The following ASB7 variants were observed in gnomAD, a reference collection of about 807,000 sequenced individuals.
The protein encoded by ASB7 is ankyrin repeat and SOCS box containing 7, also known as ankyrin repeat and SOCS box protein 7.
ASB7 carries 4 observed loss-of-function variants against 32.5 expected under a neutral mutation model. The observed-to-expected ratio is 0.12, with a 90% confidence interval of 0.06 to 0.28. The LOEUF (loss-of-function observed/expected upper bound fraction) is 0.28, where lower values mean the gene tolerates loss of function less well. ASB7 is among the 10% of genes least tolerant of loss of function. The probability of loss-of-function intolerance (pLI) is 1.00; values close to 1 mark genes in which losing one functional copy is unlikely to be tolerated. For synonymous variants in ASB7, 172 were observed against 155.6 expected (o/e 1.11, Z -0.78); for missense variants, 181 against 407.1 (o/e 0.44, Z 4.78).
chr15:100,625,289 CTG>C (rs1441883431), intron 4 of ASB7, among the ~76,000 whole-genome samples: 1 of 152,138 alleles, frequency 6.6e-6, no homozygotes, highest in Admixed American at 6.6e-5. Context: ...AGAAGTCAAA[CTG>C]TATTTGCAGA....
At chr15:100,627,659 A>G (rs2039851201) in intron 4 of ASB7, among the ~76,000 whole-genome samples, 2 of 152,222 alleles carry the variant, frequency 1.3e-5, no homozygotes, top group Admixed American at 1.3e-4. Context: ...GTTTTGTAAC[A>G]TAATTTTAAT....
Position 100,603,003 on chromosome 15 carries a change from G to A in ASB7, c.-316G>A. 2.5e-6 allele frequency: 1 copy of A among 399,526 alleles called. No homozygotes were observed. Among genetic ancestry groups the A allele is most frequent in the Non-Finnish European group, 4.4e-6 (1 of 226,762 alleles). The allele number at this position is 399,526 out of a possible 1,614,324, so 24.7% of individuals were successfully genotyped here. A position where few individuals can be genotyped will look rare whatever the true frequency, so the allele number is the denominator to read the frequency against. On this transcript the variant is annotated 5_prime_UTR_variant, in exon 1 of 6. Coordinates refer to ENST00000332783, the MANE Select transcript of ASB7 (RefSeq NM_198243.3). ...TTCAATGGAGAAGTTGGTGAGTGTA[G>A]AGGAGGCTGAAAGGAGGAAGAGAAG...
intron 5 of ASB7, among the ~76,000 whole-genome samples, chr15:100,631,892 G>A (rs543390156): frequency 2.5e-4 from 38 of 152,332 alleles, no homozygotes; most frequent in Middle Eastern, 3.4e-3. Flanking sequence ...TAACAGCGAG[G>A]ACTGGCTTGC....
At chr15:100,642,649 TG>T (rs2039969170) in intron 5 of ASB7, among the ~76,000 whole-genome samples, 1 of 152,232 alleles carries the variant, frequency 6.6e-6, no homozygotes, top group Admixed American at 6.5e-5. Flanking sequence ...AGAACTTTAG[TG>T]GCTTAAAACA....
chr15:100,637,540 A>C (rs1209946281), intron 5 of ASB7, among the ~76,000 whole-genome samples: 1 of 152,242 alleles, frequency 6.6e-6, no homozygotes, highest in Non-Finnish European at 1.5e-5. Context: ...CCAAATGACT[A>C]ATGCGTAATG....
At chr15:100,625,797 AGTGTGGGATTG>A (rs1186042132) in intron 4 of ASB7, among the ~76,000 whole-genome samples, 2 of 151,922 alleles carry the variant, frequency 1.3e-5, no homozygotes, top group Non-Finnish European at 2.9e-5. Flanking sequence ...TAGTCAAGAC[AGTGTGGGATTG>A]GTGTATGGAG....
intron 5 of ASB7, chr15:100,645,950 A>G (rs1241114119): frequency 5.3e-6 from 3 of 565,244 alleles, no homozygotes; most frequent in Non-Finnish European, 1.0e-5. Context: ...GTTAGTCCCA[A>G]CTGCTCTGTT....
chr15:100,645,429 C>A, intron 5 of ASB7: 1 of 338,264 alleles, frequency 3.0e-6, no homozygotes, highest in Non-Finnish European at 5.6e-6. Context: ...AGTTCATGCC[C>A]CCCGGAATAT....
intron 4 of ASB7, among the ~76,000 whole-genome samples, chr15:100,613,723 C>G (rs1186853102): frequency 6.6e-6 from 1 of 152,158 alleles, no homozygotes; most frequent in East Asian, 1.9e-4. Flanking sequence ...TCCACCTAGT[C>G]CTGTTGCTTT....
chr15:100,607,514 G>A (rs1301984485), intron 2 of ASB7, among the ~76,000 whole-genome samples: 2 of 152,232 alleles, frequency 1.3e-5, no homozygotes, highest in Non-Finnish European at 2.9e-5. Context: ...GATCATGTGT[G>A]CATGACGTGT....
At chr15:100,611,554 A>T (rs893514000) in intron 3 of ASB7, among the ~76,000 whole-genome samples, 1 of 129,480 alleles carries the variant, frequency 7.7e-6, no homozygotes, top group African/African-American at 2.9e-5. Context: ...ATCTCAGCTC[A>T]ATGAAACCTC....
chr15:100,606,930 G>A (rs1324534706), intron 2 of ASB7, among the ~76,000 whole-genome samples: 5 of 151,992 alleles, frequency 3.3e-5, no homozygotes, highest in Admixed American at 6.6e-5. Flanking sequence ...CGAGGCGGGC[G>A]GATCACAAGG....
In ASB7 at chr15:100,623,705, A is replaced by G. The variant is rs79251221; in HGVS notation, c.212-5732A>G. ...CAAATAAACTAAAAATAGAAATACTATGTAATCCAGCAGTCAAAGAAAACT... is the reference window on the plus strand; with the variant it reads ...CAAATAAACTAAAAATAGAAATACTGTGTAATCCAGCAGTCAAAGAAAACT... On this transcript the variant is annotated intron_variant, in intron 4 of 5. Coordinates refer to ENST00000332783, the MANE Select transcript of ASB7 (RefSeq NM_198243.3). 5.6e-3 allele frequency among the ~76,000 whole-genome samples: 851 copies of G among 152,344 alleles called. 11 individuals carry two copies. Among genetic ancestry groups the G allele is most frequent in the African/African-American group, 0.02 (813 of 41,582 alleles).
chr15:100,648,578 G>GTA lies in ASB7; in HGVS notation c.*119_*120dup. The GTA allele has an allele frequency of 3.3e-6, 3 of 913,518 alleles. No homozygotes were observed. The highest frequency in any genetic ancestry group is 2.6e-5 in the South Asian group (1 of 38,654). The allele number at this position is 913,518 out of a possible 1,614,324, so 56.6% of individuals were successfully genotyped here. A position where few individuals can be genotyped will look rare whatever the true frequency, so the allele number is the denominator to read the frequency against. On this transcript the variant is annotated 3_prime_UTR_variant, in exon 6 of 6. Transcript: ENST00000332783. ...GATTTGCTGTGAAATCAGAAAGCAG[G>GTA]TATACACTTTTGGGTTTTCTGTTTG...
In ASB7 at chr15:100,632,111, G is replaced by C. The variant is rs536814423; in HGVS notation, c.817+2069G>C. ...TGCTGTTGGACAGCAGGAATGTTGA[G>C]TTAAAGACTCACATGCACTTTAAAA... On this transcript the variant is annotated intron_variant, in intron 5 of 5. Coordinates refer to ENST00000332783, the MANE Select transcript of ASB7 (RefSeq NM_198243.3). Among the ~76,000 whole-genome samples the C allele has an allele frequency of 2.8e-4, 43 of 152,368 alleles. No individual in the cohort carries two copies. In the South Asian group the frequency reaches 7.9e-3, roughly 28 times the overall value.
In ASB7 at chr15:100,629,155, A is replaced by G. The variant is rs1209182827; in HGVS notation, c.212-282A>G. Among the ~76,000 whole-genome samples the G allele has an allele frequency of 6.6e-6, 1 of 152,204 alleles. No individual in the cohort carries two copies. Among genetic ancestry groups the G allele is most frequent in the Non-Finnish European group, 1.5e-5 (1 of 68,038 alleles). ...GAGGCAGTTGGTTAAATTAGCAAAG[A>G]CAGGGGATGTGGTGATCTGTACTCC... is the stretch of plus-strand genomic sequence containing the variant. On this transcript the variant is annotated intron_variant, in intron 4 of 5. Coordinates refer to ENST00000332783, the MANE Select transcript of ASB7 (RefSeq NM_198243.3). This position sits in a 1 kb window ranked among gnomAD's most constrained non-coding sequence, Gnocchi z 6.8.
chr15:100,626,181 A>G, intron 4 of ASB7, among the ~76,000 whole-genome samples: 1 of 152,226 alleles, frequency 6.6e-6, no homozygotes, highest in Non-Finnish European at 1.5e-5. Flanking sequence ...AAAACATAAT[A>G]CAGAAAATGA....
intron 4 of ASB7, among the ~76,000 whole-genome samples, chr15:100,622,896 C>T (rs149873194): frequency 6.6e-6 from 1 of 152,122 alleles, no homozygotes. Context: ...TGGCTAAGAC[C>T]TCAGAAACAC....
intron 5 of ASB7, among the ~76,000 whole-genome samples, chr15:100,643,477 C>CTTCT (rs1567118835): frequency 9.6e-6 from 1 of 104,380 alleles, no homozygotes; most frequent in Non-Finnish European, 1.9e-5. Flanking sequence ...GTCCCTTCTT[C>CTTCT]TTTTTTTTTT....
Sources: gnomAD v4.1 joint callset for allele counts (sites outside exome capture counted in the v4.1 genomes callset) on GRCh38, gnomAD v4.1.1 for gene constraint, Gnocchi (gnomAD v3.1) non-coding constraint, MANE v1.5 for transcripts, NCBI Gene and HGNC (gene_info 2026-07-23, HGNC 2026-07-21) for gene names.